Variants in GSE1 observed in about 807,000 individuals in gnomAD.
GSE1 encodes the protein genetic suppressor element 1.
GSE1 carries 32 observed loss-of-function variants against 112.6 expected under a neutral mutation model. The ratio of observed to expected loss-of-function variants is 0.28; its 90% confidence interval spans 0.21 to 0.38. The LOEUF is 0.38. Ranked by LOEUF, GSE1 falls within the 10% of genes least tolerant of loss-of-function variation. GSE1 has a pLI of 1.00. For synonymous variants in GSE1, 1,115 were observed against 735.6 expected (o/e 1.52, Z -8.35); for missense variants, 2,348 against 1,699.2 (o/e 1.38, Z -6.71).
intron 1 of GSE1, among the ~76,000 whole-genome samples, chr16:85,586,167 A>C (rs1231532864): frequency 6.6e-6 from 1 of 152,006 alleles, no homozygotes; most frequent in African/African-American, 2.4e-5. Flanking sequence ...TGTTAGAAGG[A>C]CTCCAGTCAG....
chr16:85,632,728 G>GC (rs975914808), intron 1 of GSE1, among the ~76,000 whole-genome samples: 2 of 152,072 alleles, frequency 1.3e-5, no homozygotes, highest in South Asian at 2.1e-4. Flanking sequence ...CTTGTGTGTT[G>GC]CCCCCCGGAT....
chr16:85,638,451 G>A (rs368268540), intron 2 of GSE1, among the ~76,000 whole-genome samples: 8 of 152,210 alleles, frequency 5.3e-5, no homozygotes, highest in Non-Finnish European at 7.3e-5. Flanking sequence ...AGACGCTTGC[G>A]AATCGCCGAT....
intron 1 of GSE1, among the ~76,000 whole-genome samples, chr16:85,231,638 GC>G (rs1183906581): frequency 3.3e-5 from 5 of 152,170 alleles, no homozygotes; most frequent in Admixed American, 2.0e-4. Flanking sequence ...GTTGGATGTA[GC>G]CCCCTCTCCC....
intron 1 of GSE1, among the ~76,000 whole-genome samples, chr16:85,250,874 G>C (rs77812455): frequency 0.01 from 1,380 of 132,168 alleles, 21 homozygotes; most frequent in African/African-American, 0.038. Context: ...CTTGTCTCCA[G>C]GCATTGGCCT....
At chr16:85,411,127 T>C (rs2048528545) in intron 2 of GSE1, among the ~76,000 whole-genome samples, 1 of 100,528 alleles carries the variant, frequency 9.9e-6, no homozygotes, top group Non-Finnish European at 1.8e-5. Flanking sequence ...CGGATAATCC[T>C]CACCGTTACA....
intron 1 of GSE1, among the ~76,000 whole-genome samples, chr16:85,556,975 C>T (rs982781248): frequency 5.3e-5 from 8 of 152,236 alleles, no homozygotes; most frequent in African/African-American, 7.2e-5. Context: ...CGGTGACAGC[C>T]GCTTGCCCTG....
chr16:85,574,681 A>G (rs1383436293), intron 1 of GSE1, among the ~76,000 whole-genome samples: 2 of 152,174 alleles, frequency 1.3e-5, no homozygotes. Flanking sequence ...CTGGTGTGGA[A>G]TGTGCCAGAT....
At chr16:85,649,031 C>T (rs1300181887) in intron 3 of GSE1, among the ~76,000 whole-genome samples, 2 of 152,134 alleles carry the variant, frequency 1.3e-5, no homozygotes, top group South Asian at 2.1e-4. Flanking sequence ...GCCACAAGTT[C>T]ACAATCCGGG....
chr16:85,347,898 AG>A (rs1245578429), intron 1 of GSE1, among the ~76,000 whole-genome samples: 3 of 152,098 alleles, frequency 2.0e-5, no homozygotes, highest in Non-Finnish European at 4.4e-5. Context: ...CAGATTTTTC[AG>A]CCCCAGCAGC....
intron 1 of GSE1, among the ~76,000 whole-genome samples, chr16:85,604,767 A>G (rs1250301434): frequency 9.7e-4 from 6 of 6,198 alleles, no homozygotes; most frequent in African/African-American, 4.9e-3. Flanking sequence ...AAAAAAAAAA[A>G]AAAAAAAATA....
intron 2 of GSE1, among the ~76,000 whole-genome samples, chr16:85,494,325 C>T (rs764544650): frequency 4.2e-4 from 64 of 152,216 alleles, no homozygotes; most frequent in Non-Finnish European, 7.8e-4. Flanking sequence ...CAGTCTCTTC[C>T]TCTGGCTTTG....
chr16:85,361,904 C>T (rs778265774), intron 2 of GSE1, among the ~76,000 whole-genome samples: 29 of 152,376 alleles, frequency 1.9e-4, no homozygotes, highest in Non-Finnish European at 3.5e-4. Context: ...TGCGTCACTA[C>T]GGTCGGATAG....
intron 8 of GSE1, 69 bp downstream of exon 8, chr16:85,657,673 A>T: frequency 1.8e-6 from 2 of 1,098,938 alleles, no homozygotes; most frequent in South Asian, 1.8e-5. Flanking sequence ...TGTATTGAGC[A>T]CCTCCTGTTT....
intron 3 of GSE1, among the ~76,000 whole-genome samples, chr16:85,652,038 G>T (rs1184807397): frequency 6.6e-6 from 1 of 152,196 alleles, no homozygotes; most frequent in Non-Finnish European, 1.5e-5. Flanking sequence ...CCTGGAAATA[G>T]CCTCACGGGG....
chr16:85,212,653 T>C (rs2075245527), intron 1 of GSE1, among the ~76,000 whole-genome samples: 1 of 152,148 alleles, frequency 6.6e-6, no homozygotes, highest in Non-Finnish European at 1.5e-5. Context: ...TACTTTCCTA[T>C]TGTGTAAGCC....
At chr16:85,637,286 G>A (rs991401951) in intron 2 of GSE1, among the ~76,000 whole-genome samples, 4 of 152,212 alleles carry the variant, frequency 2.6e-5, no homozygotes, top group African/African-American at 7.2e-5. Flanking sequence ...GACCCTGAGC[G>A]TGACATCTCC....
At chr16:85,346,603 G>C (rs369283388) in intron 1 of GSE1, among the ~76,000 whole-genome samples, 120 of 112,258 alleles carry the variant, frequency 1.1e-3, no homozygotes, top group African/African-American at 3.0e-3. Flanking sequence ...GCAGATGGGT[G>C]GATGATGGAT....
intron 1 of GSE1, among the ~76,000 whole-genome samples, chr16:85,216,219 C>T (rs548741353): frequency 4.6e-5 from 7 of 152,332 alleles, no homozygotes; most frequent in African/African-American, 1.7e-4. Flanking sequence ...TATTGGGCAA[C>T]ATAGTGAGAC....
Position 85,325,975 on chromosome 16 carries a change from C to G in GSE1, c.2284-31488C>G, listed in dbSNP as rs1010556445. 4.0e-4 allele frequency among the ~76,000 whole-genome samples: 61 copies of G among 151,850 alleles called. 1 individual carries two copies. The highest frequency in any genetic ancestry group is 1.4e-3 in the African/African-American group (59 of 41,282). ...TGTTGGTCAGGCTGGTCTCGAACTCCTGACCTCATGATCCACCCGCCTCAG... is the reference window on the plus strand; with the variant it reads ...TGTTGGTCAGGCTGGTCTCGAACTCGTGACCTCATGATCCACCCGCCTCAG... On this transcript the variant is annotated intron_variant, in intron 1 of 2. Transcript: ENST00000637419.
Sources: gnomAD v4.1 joint callset for allele counts (sites outside exome capture counted in the v4.1 genomes callset) on GRCh38, gnomAD v4.1.1 for gene constraint, MANE v1.5 for transcripts, NCBI Gene and HGNC (gene_info 2026-07-23, HGNC 2026-07-21) for gene names.